TNKS: variants seen among roughly 807,000 people sequenced by gnomAD.
The protein encoded by TNKS is tankyrase, also known as poly [ADP-ribose] polymerase tankyrase-1.
Under a neutral mutation model 135.8 loss-of-function variants are expected in TNKS, and 72 were observed. The ratio of observed to expected loss-of-function variants is 0.53; its 90% confidence interval spans 0.44 to 0.64. The LOEUF is 0.64. TNKS is among the 30% of genes least tolerant of loss of function. TNKS has a pLI of 0.00. For synonymous variants in TNKS, 849 were observed against 649.3 expected (o/e 1.31, Z -4.68); for missense variants, 1,769 against 1,674.0 (o/e 1.06, Z -0.99).
At chr8:9,569,138 G>C (rs1378762395) in intron 1 of TNKS, among the ~76,000 whole-genome samples, 3 of 152,186 alleles carry the variant, frequency 2.0e-5, no homozygotes, top group South Asian at 4.1e-4. Flanking sequence ...CAGAATTCTA[G>C]TATTTCCTTG....
At chr8:9,743,160 T>C (rs752103672) in intron 17 of TNKS, among the ~76,000 whole-genome samples, 1 of 152,236 alleles carries the variant, frequency 6.6e-6, no homozygotes, top group Non-Finnish European at 1.5e-5. Flanking sequence ...CTGTGGCATA[T>C]CATCTGGAAT....
chr8:9,646,962 TTAG>T (rs1333266810), intron 3 of TNKS, among the ~76,000 whole-genome samples: 1 of 152,168 alleles, frequency 6.6e-6, no homozygotes, highest in Non-Finnish European at 1.5e-5. Context: ...TTTATATCCC[TTAG>T]TAGATGATGG....
At chr8:9,594,506 G>C (rs777568421) in intron 2 of TNKS, among the ~76,000 whole-genome samples, 1 of 152,152 alleles carries the variant, frequency 6.6e-6, no homozygotes, top group African/African-American at 2.4e-5. Context: ...TGTTATCACA[G>C]AAAGTTCTGT....
At chr8:9,662,535 T>A (rs921719038) in intron 3 of TNKS, among the ~76,000 whole-genome samples, 8 of 152,116 alleles carry the variant, frequency 5.3e-5, no homozygotes, top group African/African-American at 1.9e-4. Context: ...CATAGGTGGG[T>A]ATTGAACAAT....
At chr8:9,629,185 T>G (rs1800185807) in intron 3 of TNKS, among the ~76,000 whole-genome samples, 1 of 152,228 alleles carries the variant, frequency 6.6e-6, no homozygotes, top group South Asian at 2.1e-4. Flanking sequence ...AAATCAATGG[T>G]ATCACTAAGC....
intron 12 of TNKS, among the ~76,000 whole-genome samples, chr8:9,725,150 T>C (rs1370901731): frequency 2.0e-5 from 3 of 152,142 alleles, no homozygotes; most frequent in Non-Finnish European, 4.4e-5. Context: ...TGGAGACTAA[T>C]GAGACAATGA....
chr8:9,709,528 A>C (rs915901528), intron 9 of TNKS, among the ~76,000 whole-genome samples: 1 of 152,248 alleles, frequency 6.6e-6, no homozygotes, highest in African/African-American at 2.4e-5. Context: ...CCTTGGGCAT[A>C]TAAACGTCTC....
chr8:9,752,703 C>A (rs1466039006), intron 20 of TNKS, 77 bp downstream of exon 20: 1 of 973,950 alleles, frequency 1.0e-6, no homozygotes, highest in South Asian at 1.6e-5. Flanking sequence ...TCACACCTTA[C>A]TCCCAACACT....
chr8:9,742,646 C>T (rs35331854), intron 17 of TNKS, among the ~76,000 whole-genome samples: 15,086 of 150,526 alleles, frequency 0.1, 1,183 homozygotes, highest in Admixed American at 0.23. Context: ...TGGTTTAAGG[C>T]CAGGAGTTTG....
intron 25 of TNKS, among the ~76,000 whole-genome samples, chr8:9,766,827 C>G (rs939920333): frequency 3.3e-5 from 5 of 152,170 alleles, no homozygotes; most frequent in African/African-American, 1.2e-4. Context: ...AGATTATCCT[C>G]AGTCTTGCAT....
intron 11 of TNKS, among the ~76,000 whole-genome samples, chr8:9,712,782 C>T (rs945749128): frequency 6.6e-6 from 1 of 151,848 alleles, no homozygotes; most frequent in Non-Finnish European, 1.5e-5. Flanking sequence ...CCCAGCTACT[C>T]GGGAGGCTGA....
chr8:9,696,023 G>A (rs1441249184), intron 5 of TNKS, among the ~76,000 whole-genome samples: 1 of 152,168 alleles, frequency 6.6e-6, no homozygotes, highest in South Asian at 2.1e-4. Flanking sequence ...TTGGATTATA[G>A]CATATGACTA....
At chr8:9,744,050 G>A (rs1244672001) in intron 17 of TNKS, among the ~76,000 whole-genome samples, 1 of 152,096 alleles carries the variant, frequency 6.6e-6, no homozygotes, top group Non-Finnish European at 1.5e-5. Context: ...CTCTGTGTGT[G>A]TCTTTGAGCC....
chr8:9,591,640 T>A (rs1191521763), intron 2 of TNKS, among the ~76,000 whole-genome samples: 2 of 152,236 alleles, frequency 1.3e-5, no homozygotes, highest in African/African-American at 4.8e-5. Context: ...TGAGAATTCT[T>A]TTTGTGCTGT....
At chr8:9,697,187 AGAAT>A (rs1216268751) in intron 5 of TNKS, among the ~76,000 whole-genome samples, 1 of 152,174 alleles carries the variant, frequency 6.6e-6, no homozygotes, top group Admixed American at 6.5e-5. Context: ...TCCAACGAAA[AGAAT>A]TAATGGGGAA....
At chr8:9,660,626 TATC>T in intron 3 of TNKS, among the ~76,000 whole-genome samples, 1 of 152,138 alleles carries the variant, frequency 6.6e-6, no homozygotes, top group Non-Finnish European at 1.5e-5. Flanking sequence ...CCACAGCCAA[TATC>T]ATACTGAATG....
At chr8:9,681,345 A>G (rs901693441) in intron 5 of TNKS, among the ~76,000 whole-genome samples, 11 of 152,162 alleles carry the variant, frequency 7.2e-5, no homozygotes, top group African/African-American at 2.7e-4. Flanking sequence ...ACAGAGAGGA[A>G]TATTCTATAT....
intron 2 of TNKS, among the ~76,000 whole-genome samples, chr8:9,609,820 C>CTAT (rs2128762954): frequency 6.6e-6 from 1 of 152,206 alleles, no homozygotes; most frequent in Admixed American, 6.5e-5. Context: ...GTAAGCCATC[C>CTAT]TATATAGGGA....
intron 5 of TNKS, among the ~76,000 whole-genome samples, chr8:9,688,782 G>A (rs1803127984): frequency 6.6e-6 from 1 of 152,162 alleles, no homozygotes; most frequent in Admixed American, 6.6e-5. Flanking sequence ...TGAGATTACA[G>A]GTGCCCGCCA....
Sources: allele counts gnomAD v4.1 joint callset (sites outside exome capture counted in the v4.1 genomes callset), GRCh38; gene constraint gnomAD v4.1.1; transcripts MANE v1.5; gene names NCBI Gene and HGNC (gene_info 2026-07-23, HGNC 2026-07-21).